Variants in FAM131B observed in about 807,000 individuals in gnomAD.
FAM131B encodes family with sequence similarity 131 member B, also known as protein FAM131B.
FAM131B carries 19 observed loss-of-function variants against 42.0 expected under a neutral mutation model. The ratio of observed to expected loss-of-function variants is 0.45; its 90% CI spans 0.32 to 0.66. The LOEUF (loss-of-function observed/expected upper bound fraction) is 0.66. Ranked by LOEUF, FAM131B falls within the 30% of genes least tolerant of loss-of-function variation. FAM131B has a pLI of 0.05. For missense variants in FAM131B, 370 were observed against 468.4 expected (o/e 0.79, Z 1.94); for synonymous variants, 183 against 177.6 (o/e 1.03, Z -0.24).
chr7:143,357,155 G>T, intron 6 of FAM131B, 125 bp downstream of exon 6: 1 of 1,173,672 alleles, frequency 8.5e-7, no homozygotes, highest in Non-Finnish European at 1.3e-6. Context: ...ACAGTGAGTA[G>T]GGAGGACAAT....
At chr7:143,357,839 C>T (rs986704488) in intron 5 of FAM131B, among the ~76,000 whole-genome samples, 1 of 152,110 alleles carries the variant, frequency 6.6e-6, no homozygotes, top group African/African-American at 2.4e-5. Flanking sequence ...TTGTGTATGT[C>T]CCCAGAGAAG....
intron 1 of FAM131B, 27 bp from the exon 2 acceptor site, chr7:143,360,176 G>C: frequency 6.3e-7 from 1 of 1,579,202 alleles, no homozygotes. Flanking sequence ...GTTAGCCGCC[G>C]GCCCTCACCT....
intron 1 of FAM131B, chr7:143,361,823 G>C (rs1364021227): frequency 6.6e-6 from 1 of 152,590 alleles, no homozygotes; most frequent in East Asian, 2.0e-4. Flanking sequence ...GACAGGTGCA[G>C]GCGGGTCCCC....
At chr7:143,363,649 G>A (rs1408307153), upstream of FAM131B, among the ~76,000 whole-genome samples, 1 of 152,166 alleles carries the variant, frequency 6.6e-6, no homozygotes, top group Non-Finnish European at 1.5e-5. Context: ...GTAAGAAGTG[G>A]AGTCCAGAAA....
chr7:143,368,653 CTGA>C, the FAM131B span, among the ~76,000 whole-genome samples: 1 of 152,358 alleles, frequency 6.6e-6, no homozygotes, highest in East Asian at 1.9e-4. Context: ...GAACCACAGC[CTGA>C]TGGTTGAGGC....
chr7:143,365,891 G>C (rs577145707), upstream of FAM131B, among the ~76,000 whole-genome samples: 1 of 152,326 alleles, frequency 6.6e-6, no homozygotes, highest in African/African-American at 2.4e-5. Flanking sequence ...TTACAGGCGT[G>C]AGCCACCACG....
At chr7:143,369,404 G>A in the FAM131B span, among the ~76,000 whole-genome samples, 1 of 152,174 alleles carries the variant, frequency 6.6e-6, no homozygotes, top group South Asian at 2.1e-4. Context: ...GCCGGGCGCG[G>A]TGGCTCACGC....
the FAM131B span, chr7:143,382,255 C>G: frequency 6.2e-7 from 1 of 1,612,468 alleles, no homozygotes; most frequent in Non-Finnish European, 8.5e-7. Context: ...CAGACTTTCC[C>G]CTGCCTCCAC....
chr7:143,379,060 C>G, the FAM131B span, among the ~76,000 whole-genome samples: 1 of 152,254 alleles, frequency 6.6e-6, no homozygotes, highest in African/African-American at 2.4e-5. Context: ...TGCCTGCCTA[C>G]GCACTCTTCT....
At chr7:143,360,288 G>A in intron 1 of FAM131B, 139 bp from the exon 2 acceptor site, 1 of 1,467,312 alleles carries the variant, frequency 6.8e-7, no homozygotes, top group South Asian at 1.4e-5. Context: ...CAAATTCTAG[G>A]GGAGACAAGT....
At chr7:143,380,818 G>A in the FAM131B span, 13 of 977,810 alleles carry the variant, frequency 1.3e-5, no homozygotes, top group Non-Finnish European at 1.6e-5. The surrounding 1 kb of genome is among the most constrained non-coding windows in gnomAD (Gnocchi z 5.0). Flanking sequence ...CATACGTTCG[G>A]CCACCCCAGG....
chr7:143,381,611 G>A, the FAM131B span: 2 of 1,611,910 alleles, frequency 1.2e-6, no homozygotes, highest in Admixed American at 1.7e-5. Flanking sequence ...CTCCGTTTCG[G>A]TCTCGGCTCC....
upstream of FAM131B, among the ~76,000 whole-genome samples, chr7:143,366,389 T>C (rs1035385032): frequency 1.3e-5 from 2 of 152,136 alleles, no homozygotes; most frequent in African/African-American, 4.8e-5. Context: ...TTAGAGTATC[T>C]ATCTTCAGGC....
At position 143,362,526 on chromosome 7, in the gene FAM131B, AG is replaced by A; in HGVS notation, c.28+49del. 1.1e-6 allele frequency: 1 copy of A among 938,192 alleles called. No individual in the cohort carries two copies. Among genetic ancestry groups the A allele is most frequent in the East Asian group, 3.8e-5 (1 of 26,384 alleles). The allele number at this position is 938,192 out of a possible 1,614,324, so 58.1% of individuals were successfully genotyped here. Reference sequence around the variant, plus strand: ...GGAGAGGGATGGGGGAGGGGGTCGGAGGGCGGCCCGGGGGGCCCAGCCCTGC... The same window carrying A: ...GGAGAGGGATGGGGGAGGGGGTCGGAGGCGGCCCGGGGGGCCCAGCCCTGC... On this transcript the variant is annotated intron_variant, in intron 1 of 6. Transcript: ENST00000443739. The surrounding 1 kb of genome is among the most constrained non-coding windows in gnomAD (Gnocchi z 7.7).
upstream of FAM131B, among the ~76,000 whole-genome samples, chr7:143,367,472 C>G (rs928627879): frequency 6.6e-6 from 1 of 152,078 alleles, no homozygotes; most frequent in Admixed American, 6.6e-5. Context: ...TCTGGGAGAC[C>G]AAGGCGGGCA....
the FAM131B span, among the ~76,000 whole-genome samples, chr7:143,374,029 C>T: frequency 6.6e-6 from 1 of 152,076 alleles, no homozygotes; most frequent in Admixed American, 6.5e-5. Flanking sequence ...TGCTAGAATC[C>T]AGCAAAGCCC....
the FAM131B span, chr7:143,381,746 C>G: frequency 6.9e-6 from 11 of 1,588,834 alleles, no homozygotes; most frequent in Non-Finnish European, 9.4e-6. Context: ...ACAGATGGGC[C>G]GGGTGGGCGA....
the FAM131B span, chr7:143,381,306 T>C: frequency 9.0e-7 from 1 of 1,105,910 alleles, no homozygotes; most frequent in South Asian, 4.3e-5. Flanking sequence ...CTTCCGTGTG[T>C]CCCTCCCCGC....
At chr7:143,380,259 G>A in the FAM131B span, 4 of 972,738 alleles carry the variant, frequency 4.1e-6, no homozygotes, top group Non-Finnish European at 4.9e-6. This position sits in a 1 kb window ranked among gnomAD's most constrained non-coding sequence, Gnocchi z 5.0. Context: ...AGAACTAGAA[G>A]AATTACCCAG....
Sources: gnomAD v4.1 joint callset for allele counts (sites outside exome capture counted in the v4.1 genomes callset) on GRCh38, gnomAD v4.1.1 for gene constraint, Gnocchi (gnomAD v3.1) non-coding constraint, MANE v1.5 for transcripts, NCBI Gene and HGNC (gene_info 2026-07-23, HGNC 2026-07-21) for gene names.